The following MAD2L1 variants were observed in gnomAD, a reference collection of about 807,000 sequenced individuals.
The protein encoded by MAD2L1 is mitotic spindle assembly checkpoint protein MAD2A.
Under a neutral mutation model 25.9 loss-of-function variants are expected in MAD2L1, and 10 were observed. The observed-to-expected ratio is 0.39, with a 90% CI of 0.24 to 0.66. The LOEUF (loss-of-function observed/expected upper bound fraction) is 0.66, where lower values mean the gene tolerates loss of function less well. Among genes scored for constraint, MAD2L1 ranks in the 30% least tolerant of loss-of-function variants. The pLI is 0.49. For synonymous variants in MAD2L1, 81 were observed against 91.8 expected (o/e 0.88, Z 0.67); for missense variants, 180 against 246.4 (o/e 0.73, Z 1.80).
At chr4:120,065,558 C>T in intron 2 of MAD2L1, 114 bp downstream of exon 2, 1 of 857,046 alleles carries the variant, frequency 1.2e-6, no homozygotes, top group Non-Finnish European at 1.8e-6. Flanking sequence ...TTCTTCCTCT[C>T]AATTGAAAAT....
At chr4:120,066,189 C>G (rs757288391) in intron 1 of MAD2L1, among the ~76,000 whole-genome samples, 15 of 152,256 alleles carry the variant, frequency 9.9e-5, no homozygotes, top group African/African-American at 3.6e-4. Context: ...TCCAGACAAG[C>G]CTTTATCTTC....
rs1726123908 is a variant in MAD2L1 at position 120,057,100 on chromosome 4, T to A, written c.*3018A>T. On this transcript the variant is annotated 3_prime_UTR_variant, in exon 5 of 5. Coordinates refer to ENST00000296509, the MANE Select transcript of MAD2L1 (RefSeq NM_002358.4). Reference sequence around the variant, plus strand: ...GCCGAAGCAAACAGCCATGTTTTTTTCTTATTGGAACACACTCACGCTCAT... The same window carrying A: ...GCCGAAGCAAACAGCCATGTTTTTTACTTATTGGAACACACTCACGCTCAT... 6.6e-6 allele frequency: 1 copy of A among 152,226 alleles called. No homozygotes were observed. The highest frequency in any genetic ancestry group is 2.1e-4 in the South Asian group (1 of 4,828). The allele number at this position is 152,226 out of a possible 1,614,324, so 9.4% of individuals were successfully genotyped here.
Position 120,060,213 on chromosome 4 carries a change from T to C in MAD2L1, c.523A>G (p.Ile175Val), listed in dbSNP as rs1242919268. Residue 175 changes from isoleucine to valine, a missense_variant, in exon 5 of 5, where the codon ATT becomes GTT. By Grantham distance (29) the Ile-to-Val change is conservative. Transcript: ENST00000296509. ...AGGCGGACTTCCTCAGAATTGGTAA[T>C]AAACTGTGGTCCCGACTCTTCCCAT... Reference protein sequence around the residue: ...EKWEESGPQFITNSEEVRLRS... With the variant: ...EKWEESGPQFVTNSEEVRLRS... 4.3e-6 allele frequency: 7 copies of C among 1,612,960 alleles called. No individual in the cohort carries two copies. The Admixed American group carries it at 6.7e-5, about 15-fold the overall frequency.
intron 2 of MAD2L1, among the ~76,000 whole-genome samples, chr4:120,064,972 A>C (rs78620403): frequency 0.044 from 6,763 of 152,276 alleles, 165 homozygotes; most frequent in Middle Eastern, 0.058. Flanking sequence ...TGAGAATCCT[A>C]AGTGGAGGGT....
At chr4:120,065,460 A>G in intron 2 of MAD2L1, 1 of 467,774 alleles carries the variant, frequency 2.1e-6, no homozygotes, top group South Asian at 3.4e-5. Context: ...TTTTTTAGCC[A>G]TATCAGATTT....
chr4:120,066,664 A>G lies in MAD2L1; in HGVS notation c.71T>C (p.Phe24Ser). ...TATTGGCCTGCGCGAGAACTTACAG[A>G]AGAACTCGGCCACGATTTCGGCGCT... is the stretch of plus-strand genomic sequence containing the variant. ...RGSAEIVAEF[F>S]SFGINSILYQ... Residue 24 changes from phenylalanine (F) to serine (S), a missense_variant and splice_region_variant, in exon 1 of 5, where the codon TTC (phenylalanine) becomes TCC (serine). Transcript: ENST00000296509. 1.9e-6 allele frequency: 3 copies of G among 1,603,100 alleles called. No individual in the cohort carries two copies. The highest frequency in any genetic ancestry group is 2.6e-6 in the Non-Finnish European group (3 of 1,172,512).
rs1057387781 is a variant in MAD2L1 at position 120,059,997 on chromosome 4, C to A, written c.*121G>T. 7 of 789,074 alleles carry A rather than the reference C, an allele frequency of 8.9e-6. No homozygotes were observed. The highest frequency in any genetic ancestry group is 8.7e-5 in the African/African-American group (5 of 57,734). 48.9% of individuals were successfully genotyped at this position (789,074 alleles called of 1,614,324 possible). On this transcript the variant is annotated 3_prime_UTR_variant, in exon 5 of 5. Coordinates refer to ENST00000296509, the MANE Select transcript of MAD2L1 (RefSeq NM_002358.4). ...CAATTACACACAGTTCAGTAAGTAT[C>A]ATTTTGGTTTTCTCCATGTAAAAAT...
rs1726142588 is a variant in MAD2L1 at position 120,058,190 on chromosome 4, T to C, written c.*1928A>G. The C allele has an allele frequency of 6.6e-6, 1 of 152,120 alleles. No homozygotes were observed. 9.4% of individuals were successfully genotyped at this position (152,120 alleles called of 1,614,324 possible). A position where few individuals can be genotyped will look rare whatever the true frequency, so the allele number is the denominator to read the frequency against. On this transcript the variant is annotated 3_prime_UTR_variant, in exon 5 of 5. Transcript: ENST00000296509. ...GTATTTCTTAATTGATTATATAATC[T>C]GTAAGGGGTAAAATGACTCATCATG...
In MAD2L1 at chr4:120,065,835, T is replaced by C; in HGVS notation, c.74-17A>G. On this transcript the variant is annotated splice_polypyrimidine_tract_variant and intron_variant, in intron 1 of 4. Coordinates refer to ENST00000296509, the MANE Select transcript of MAD2L1 (RefSeq NM_002358.4). Reference sequence around the variant, plus strand: ...TGCCGAATGCTGCAAGCAAAAGAAATGTTACAGAAAATTCATTATCCCTGC... The same window carrying C: ...TGCCGAATGCTGCAAGCAAAAGAAACGTTACAGAAAATTCATTATCCCTGC... 6.2e-7 allele frequency: 1 copy of C among 1,610,494 alleles called. No homozygotes were observed. Among genetic ancestry groups the C allele is most frequent in the South Asian group, 1.1e-5 (1 of 90,602 alleles).
rs535943585 is a variant in MAD2L1 at position 120,055,766 on chromosome 4, C to A, written c.*4352G>T. 1.3e-5 allele frequency: 2 copies of A among 152,066 alleles called. No individual in the cohort carries two copies. The highest frequency in any genetic ancestry group is 2.9e-5 in the Non-Finnish European group (2 of 67,994). The allele number at this position is 152,066 out of a possible 1,614,324, so 9.4% of individuals were successfully genotyped here. A position where few individuals can be genotyped will look rare whatever the true frequency, so the allele number is the denominator to read the frequency against. On this transcript the variant is annotated 3_prime_UTR_variant, in exon 5 of 5. Transcript: ENST00000296509. ...TGAGTAATTAAGGTTACTTAACAAA[C>A]AATTCTTCTGATTAGTTGGAAAATT...
chr4:120,066,622 C>T (rs1450395248), intron 1 of MAD2L1, 40 bp downstream of exon 1: 2 of 1,572,110 alleles, frequency 1.3e-6, no homozygotes, highest in South Asian at 2.3e-5. Context: ...GCCGTCACGA[C>T]TCCGTTCCCC....
intron 2 of MAD2L1, among the ~76,000 whole-genome samples, chr4:120,062,512 G>A (rs151228276): frequency 2.0e-5 from 3 of 152,106 alleles, no homozygotes; most frequent in Non-Finnish European, 4.4e-5. Context: ...TAGCTCTAGG[G>A]ATAAACAGCA....
At chr4:120,061,941 A>C in intron 3 of MAD2L1, 34 bp downstream of exon 3, 1 of 1,542,228 alleles carries the variant, frequency 6.5e-7, no homozygotes, top group East Asian at 2.3e-5. Context: ...GAAAAAAAAT[A>C]TATCAAAGTA....
rs1289286913 is a variant in MAD2L1, at chr4:120,056,553, G to A, written c.*3565C>T. On this transcript the variant is annotated 3_prime_UTR_variant, in exon 5 of 5. Transcript: ENST00000296509. ...TAAATGAAAACAAGATGAAGAAATG[G>A]TCTATGAAGTTATCTACCTTATTGT... 6.6e-6 allele frequency: 1 copy of A among 152,098 alleles called. No homozygotes were observed. The highest frequency in any genetic ancestry group is 1.5e-5 in the Non-Finnish European group (1 of 68,016). 9.4% of individuals were successfully genotyped at this position (152,098 alleles called of 1,614,324 possible).
rs1014028145 is a variant in MAD2L1, at chr4:120,059,646, C to A, written c.*472G>T. On this transcript the variant is annotated 3_prime_UTR_variant, in exon 5 of 5. Coordinates refer to ENST00000296509, the MANE Select transcript of MAD2L1 (RefSeq NM_002358.4). ...TACATGAAATGAAGGTCAAAAGGAGCTATACAGCAATATTTCATTGTTTAT... is the reference window on the plus strand; with the variant it reads ...TACATGAAATGAAGGTCAAAAGGAGATATACAGCAATATTTCATTGTTTAT... The A allele has an allele frequency of 3.9e-5, 6 of 152,442 alleles. No individual in the cohort carries two copies. The highest frequency in any genetic ancestry group is 1.4e-4 in the African/African-American group (6 of 41,430). The allele number at this position is 152,442 out of a possible 1,614,324, so 9.4% of individuals were successfully genotyped here. A position where few individuals can be genotyped will look rare whatever the true frequency, so the allele number is the denominator to read the frequency against.
In MAD2L1 at chr4:120,060,055, T is replaced by C. The variant is rs969179014; in HGVS notation, c.*63A>G. 7.2e-7 allele frequency: 1 copy of C among 1,393,862 alleles called. No homozygotes were observed. Among genetic ancestry groups the C allele is most frequent in the Admixed American group, 1.9e-5 (1 of 53,328 alleles). 86.3% of individuals were successfully genotyped at this position (1,393,862 alleles called of 1,614,324 possible). On this transcript the variant is annotated 3_prime_UTR_variant, in exon 5 of 5. Coordinates refer to ENST00000296509, the MANE Select transcript of MAD2L1 (RefSeq NM_002358.4). Reference sequence around the variant, plus strand: ...TGAAATAAAACATATCAACTATAGATGACTTGATTTCAGGAAAACCACATT... The same window carrying C: ...TGAAATAAAACATATCAACTATAGACGACTTGATTTCAGGAAAACCACATT...
Position 120,066,806 on chromosome 4 carries a change from C to T in MAD2L1, c.-72G>A, listed in dbSNP as rs1307394585. Reference sequence around the variant, plus strand: ...AACCACAGCGGCTCCAACAGCACTTCCCCGCCAAGCGTTTCAAAAGTAACG... The same window carrying T: ...AACCACAGCGGCTCCAACAGCACTTTCCCGCCAAGCGTTTCAAAAGTAACG... On this transcript the variant is annotated 5_prime_UTR_variant, in exon 1 of 5. Coordinates refer to ENST00000296509, the MANE Select transcript of MAD2L1 (RefSeq NM_002358.4). 1.2e-5 allele frequency: 14 copies of T among 1,128,188 alleles called. No individual in the cohort carries two copies. The South Asian group carries it at 1.8e-4, about 14-fold the overall frequency. The allele number at this position is 1,128,188 out of a possible 1,614,324, so 69.9% of individuals were successfully genotyped here. A position where few individuals can be genotyped will look rare whatever the true frequency, so the allele number is the denominator to read the frequency against.
rs1726131861 is a variant in MAD2L1, at chr4:120,057,612, GA to G, written c.*2505del. ...TCCTCTACATATGGTAAGCAACACT[GA>G]GCCAGAGTCCAGGCCAGGCCTAGAG... On this transcript the variant is annotated 3_prime_UTR_variant, in exon 5 of 5. Transcript: ENST00000296509. 6.6e-6 allele frequency: 1 copy of G among 152,306 alleles called. No individual in the cohort carries two copies. The highest frequency in any genetic ancestry group is 1.5e-5 in the Non-Finnish European group (1 of 68,140). 9.4% of individuals were successfully genotyped at this position (152,306 alleles called of 1,614,324 possible). A position where few individuals can be genotyped will look rare whatever the true frequency, so the allele number is the denominator to read the frequency against.
rs756971877 is a variant in MAD2L1 at position 120,060,972 on chromosome 4, G to A, written c.347C>T (p.Pro116Leu). The A allele has an allele frequency of 1.9e-6, 3 of 1,594,200 alleles. No homozygotes were observed. The highest frequency in any genetic ancestry group is 1.1e-5 in the South Asian group (1 of 90,040). Residue 116 changes from proline (P) to leucine (L), a missense_variant, in exon 4 of 5, where the codon CCC (proline) becomes CTC (leucine). By Grantham distance (98) the Pro-to-Leu change is moderately conservative. Transcript: ENST00000296509. ...CDKTAKDDSA[P>L]REKSQKAIQD... ...GATAGCTTTCTGAGACTTTTCTCTG[G>A]GTGCACTGTCAAAAAAAAATCAAAT... is the stretch of plus-strand genomic sequence containing the variant.
Sources: allele counts gnomAD v4.1 joint callset (sites outside exome capture counted in the v4.1 genomes callset), GRCh38; gene constraint gnomAD v4.1.1; transcripts MANE v1.5; gene names NCBI Gene and HGNC (gene_info 2026-07-23, HGNC 2026-07-21).